MGLL: variants seen among roughly 807,000 people sequenced by gnomAD.
MGLL encodes the protein lysophospholipase homolog.
A neutral mutation model predicts 29.1 loss-of-function variants in MGLL; 7 were observed. The ratio of observed to expected loss-of-function variants is 0.24; its 90% confidence interval spans 0.14 to 0.45. MGLL has a LOEUF of 0.45. Ranked by LOEUF, MGLL falls within the 20% of genes least tolerant of loss-of-function variation. The pLI is 0.99. For synonymous variants in MGLL, 148 were observed against 168.3 expected (o/e 0.88, Z 0.93); for missense variants, 356 against 413.6 (o/e 0.86, Z 1.21).
chr3:127,760,276 A>C (rs1213223096), intron 3 of MGLL, among the ~76,000 whole-genome samples: 1 of 152,198 alleles, frequency 6.6e-6, no homozygotes, highest in African/African-American at 2.4e-5. Context: ...TCCTGGACAC[A>C]CAGGTATAAA....
At chr3:127,775,603 A>C (rs1369506599) in intron 3 of MGLL, among the ~76,000 whole-genome samples, 1 of 152,166 alleles carries the variant, frequency 6.6e-6, no homozygotes, top group Non-Finnish European at 1.5e-5. Context: ...AAACACACAC[A>C]CAAAGCCCTC....
chr3:127,762,255 G>A (rs998493972), intron 3 of MGLL, among the ~76,000 whole-genome samples: 30 of 151,694 alleles, frequency 2.0e-4, no homozygotes, highest in South Asian at 4.1e-4. Flanking sequence ...AGCTCTCCGC[G>A]TCCTCCCCGC....
intron 2 of MGLL, among the ~76,000 whole-genome samples, chr3:127,810,249 G>A (rs943318847): frequency 2.0e-5 from 3 of 151,786 alleles, no homozygotes; most frequent in African/African-American, 7.2e-5. Context: ...CTCCAAAACT[G>A]CAAGAAAATT....
intron 2 of MGLL, among the ~76,000 whole-genome samples, chr3:127,798,252 A>G (rs539637528): frequency 6.6e-6 from 1 of 152,290 alleles, no homozygotes; most frequent in South Asian, 2.1e-4. Context: ...CTATGTATGC[A>G]GGAAAGCAGG....
At chr3:127,735,370 G>A (rs1231030575) in intron 3 of MGLL, among the ~76,000 whole-genome samples, 2 of 152,218 alleles carry the variant, frequency 1.3e-5, no homozygotes, top group African/African-American at 2.4e-5. Flanking sequence ...GTTATAACTA[G>A]AGAATGGATA....
intron 2 of MGLL, among the ~76,000 whole-genome samples, chr3:127,808,636 C>T (rs971150914): frequency 1.3e-5 from 2 of 152,178 alleles, no homozygotes; most frequent in African/African-American, 4.8e-5. Flanking sequence ...AAATTTAAGG[C>T]ACTGTGGGTG....
At chr3:127,790,841 G>A (rs2077287706) in intron 2 of MGLL, among the ~76,000 whole-genome samples, 1 of 152,104 alleles carries the variant, frequency 6.6e-6, no homozygotes, top group African/African-American at 2.4e-5. Flanking sequence ...CACTTCCTGG[G>A]GGACCCTAGT....
intron 3 of MGLL, among the ~76,000 whole-genome samples, chr3:127,741,597 T>C (rs752652554): frequency 6.6e-6 from 1 of 152,196 alleles, no homozygotes; most frequent in African/African-American, 2.4e-5. Context: ...AGATGAGCCT[T>C]CCAGCAGGAA....
At chr3:127,788,628 C>T (rs2077252763) in intron 2 of MGLL, among the ~76,000 whole-genome samples, 1 of 152,172 alleles carries the variant, frequency 6.6e-6, no homozygotes, top group Admixed American at 6.5e-5. Context: ...CTGTCTATGA[C>T]CCCATGATTG....
intron 3 of MGLL, among the ~76,000 whole-genome samples, chr3:127,733,867 G>A (rs1260648869): frequency 6.6e-6 from 1 of 152,192 alleles, no homozygotes; most frequent in Admixed American, 6.5e-5. Context: ...GAGTGGCTGG[G>A]TGCGCAGCTG....
intron 3 of MGLL, among the ~76,000 whole-genome samples, chr3:127,744,743 A>G (rs1045167479): frequency 6.6e-6 from 1 of 152,230 alleles, no homozygotes; most frequent in Admixed American, 6.5e-5. Flanking sequence ...AGCAACCCCA[A>G]GAGCTTTTAC....
At chr3:127,710,865 G>T in intron 5 of MGLL, 200 bp from the exon 6 acceptor site, 1 of 625,684 alleles carries the variant, frequency 1.6e-6, no homozygotes. Context: ...GCCTGGCTCT[G>T]CTCCACCTTG....
At chr3:127,792,838 C>A (rs2077324022) in intron 2 of MGLL, among the ~76,000 whole-genome samples, 1 of 152,216 alleles carries the variant, frequency 6.6e-6, no homozygotes, top group African/African-American at 2.4e-5. Flanking sequence ...CACTGGAGAA[C>A]ATGCAAAGCT....
chr3:127,756,668 C>T (rs369780257), intron 3 of MGLL, among the ~76,000 whole-genome samples: 3 of 152,378 alleles, frequency 2.0e-5, no homozygotes, highest in East Asian at 3.9e-4. Flanking sequence ...TTTTCAAACA[C>T]AGGCCTGGCC....
intron 2 of MGLL, among the ~76,000 whole-genome samples, chr3:127,815,527 G>A (rs535629406): frequency 4.6e-5 from 7 of 152,296 alleles, no homozygotes; most frequent in African/African-American, 7.2e-5. Flanking sequence ...TTTGCCTTGC[G>A]CCTATATTAC....
chr3:127,691,131 G>A lies in MGLL; in HGVS notation c.*1067C>T, dbSNP rs1298303735. The A allele has an allele frequency of 6.5e-6, 1 of 152,674 alleles. No homozygotes were observed. The highest frequency in any genetic ancestry group is 1.5e-5 in the Non-Finnish European group (1 of 68,072). 9.5% of individuals were successfully genotyped at this position (152,674 alleles called of 1,614,324 possible). A position where few individuals can be genotyped will look rare whatever the true frequency, so the allele number is the denominator to read the frequency against. On this transcript the variant is annotated 3_prime_UTR_variant, in exon 8 of 8. Transcript: ENST00000265052. ...CCCAGGCCCAGGCCTAGGGATCATA[G>A]CCCCATAGGGTGCCACTGCTCCATG...
intron 3 of MGLL, among the ~76,000 whole-genome samples, chr3:127,730,405 T>A (rs1398232679): frequency 1.3e-5 from 2 of 152,176 alleles, no homozygotes; most frequent in Non-Finnish European, 2.9e-5. Flanking sequence ...CTGAGCCACA[T>A]GCACACCCAC....
In MGLL at chr3:127,781,862, C is replaced by T; in HGVS notation, c.189G>A (p.Glu63=). The T allele has an allele frequency of 6.2e-7, 1 of 1,614,098 alleles. No homozygotes were observed. Among genetic ancestry groups the T allele is most frequent in the Non-Finnish European group, 8.5e-7 (1 of 1,180,000 alleles). The change falls in exon 3 of 8, where the codon GAG becomes GAA. Residue 63 remains glutamate (E), a synonymous_variant. Transcript: ENST00000265052. The part of the protein sequence containing the change: ...ALIFVSHGAG[E]HSGRYEELAR... ...CCAGCTCTTCATAGCGGCCACTGTG[C>T]TCTCCGGCTCCATGGGACACAAAGA...
chr3:127,716,906 T>C (rs2075827454), intron 5 of MGLL, among the ~76,000 whole-genome samples: 1 of 152,146 alleles, frequency 6.6e-6, no homozygotes, highest in South Asian at 2.1e-4. Context: ...AAGGCAGCCA[T>C]AAAACAGAAA....
Sources: gnomAD v4.1 joint callset for allele counts (sites outside exome capture counted in the v4.1 genomes callset) on GRCh38, gnomAD v4.1.1 for gene constraint, MANE v1.5 for transcripts, NCBI Gene and HGNC (gene_info 2026-07-23, HGNC 2026-07-21) for gene names.